BRD7: variants seen among roughly 807,000 people sequenced by gnomAD.
The protein encoded by BRD7 is bromodomain-containing protein 7.
In BRD7, 15 loss-of-function variants were observed where a neutral mutation model predicts 82.1. The observed-to-expected ratio is 0.18, with a 90% CI of 0.12 to 0.28. The LOEUF (loss-of-function observed/expected upper bound fraction) is 0.28. BRD7 is among the 10% of genes least tolerant of loss of function. The pLI is 1.00. For missense variants in BRD7, 638 were observed against 779.9 expected, an observed-to-expected ratio of 0.82 and a Z score of 2.17; for synonymous variants, 232 against 266.9, an observed-to-expected ratio of 0.87 and a Z score of 1.27.
At chr16:50,332,276 T>C (rs1483477652) in intron 8 of BRD7, among the ~76,000 whole-genome samples, 1 of 150,944 alleles carries the variant, frequency 6.6e-6, no homozygotes, top group Non-Finnish European at 1.5e-5. Context: ...AAAGGACTAA[T>C]ACCCAGTATC....
At chr16:50,329,569 G>A (rs2151147119) in intron 8 of BRD7, among the ~76,000 whole-genome samples, 1 of 152,338 alleles carries the variant, frequency 6.6e-6, no homozygotes, top group South Asian at 2.1e-4. Context: ...TCCTCGTTGA[G>A]TGGTATGGCT....
chr16:50,326,866 T>C (rs1447072553), intron 9 of BRD7, among the ~76,000 whole-genome samples: 2 of 152,162 alleles, frequency 1.3e-5, no homozygotes, highest in Non-Finnish European at 2.9e-5. Context: ...CAGGAATGAA[T>C]CCCTGTGATG....
At chr16:50,327,545 G>C (rs1453702438) in intron 9 of BRD7, among the ~76,000 whole-genome samples, 2 of 152,112 alleles carry the variant, frequency 1.3e-5, no homozygotes, top group African/African-American at 2.4e-5. Flanking sequence ...TTCTATTACT[G>C]TTCTCCTCCT....
chr16:50,332,213 G>A (rs557982594), intron 8 of BRD7, among the ~76,000 whole-genome samples: 5 of 152,226 alleles, frequency 3.3e-5, no homozygotes, highest in Admixed American at 2.0e-4. Flanking sequence ...CGCAGAACGG[G>A]AGAAAATATG....
At chr16:50,325,602 A>G (rs2151139436) in intron 11 of BRD7, 146 bp downstream of exon 11, 1 of 619,596 alleles carries the variant, frequency 1.6e-6, no homozygotes, top group Non-Finnish European at 2.7e-6. Flanking sequence ...AATAGTAACT[A>G]TGAATCCATT....
intron 11 of BRD7, among the ~76,000 whole-genome samples, chr16:50,324,282 T>C (rs149271069): frequency 0.01 from 1,594 of 152,224 alleles, 29 homozygotes; most frequent in African/African-American, 0.037. Flanking sequence ...GGCTGATGAC[T>C]GAGCCCTTCC....
At chr16:50,351,035 T>A (rs1390644826) in intron 4 of BRD7, among the ~76,000 whole-genome samples, 1 of 152,080 alleles carries the variant, frequency 6.6e-6, no homozygotes, top group Non-Finnish European at 1.5e-5. Context: ...ATTATGCTAA[T>A]TTTTTTTCCC....
chr16:50,318,209 A>AATT lies in BRD7; in HGVS notation c.*999_*1001dup, dbSNP rs761421608. 3.9e-5 allele frequency: 6 copies of AATT among 152,348 alleles called. No individual in the cohort carries two copies. The highest frequency in any genetic ancestry group is 2.0e-4 in the Admixed American group (3 of 15,304). The allele number at this position is 152,348 out of a possible 1,614,324, so 9.4% of individuals were successfully genotyped here. ...TAAAAGTAGACTCAAACAACTTGAA[A>AATT]ATTTGACTCTTTTAGCATAAGATTT... On this transcript the variant is annotated 3_prime_UTR_variant, in exon 17 of 17. Coordinates refer to ENST00000394688, the MANE Select transcript of BRD7 (RefSeq NM_013263.5).
At chr16:50,349,633 G>A (rs753004383) in intron 5 of BRD7, 29 of 470,594 alleles carry the variant, frequency 6.2e-5, no homozygotes, top group Middle Eastern at 3.2e-4. Context: ...TCTGTATAGC[G>A]GTGTAAGAAT....
chr16:50,319,401 C>T (rs76259746), intron 16 of BRD7, 135 bp from the exon 17 acceptor site: 5 of 694,894 alleles, frequency 7.2e-6, no homozygotes, highest in Non-Finnish European at 1.2e-5. Context: ...CTGAAGACTA[C>T]GCGCATTATC....
intron 6 of BRD7, 111 bp downstream of exon 6, chr16:50,339,865 T>C (rs933932630): frequency 2.0e-6 from 1 of 491,686 alleles, no homozygotes; most frequent in Non-Finnish European, 3.5e-6. Flanking sequence ...TAATATAATA[T>C]AACCTGCTAA....
chr16:50,343,389 G>A (rs143104966), intron 5 of BRD7, among the ~76,000 whole-genome samples: 54 of 152,356 alleles, frequency 3.5e-4, no homozygotes, highest in African/African-American at 1.2e-3. Context: ...CTCCCAGCAT[G>A]AGTGATGCAG....
At chr16:50,335,054 C>G (rs950577152) in intron 6 of BRD7, among the ~76,000 whole-genome samples, 159 bp from the exon 7 acceptor site, 5 of 152,062 alleles carry the variant, frequency 3.3e-5, no homozygotes, top group African/African-American at 4.8e-5. Context: ...ATTTGGAAAC[C>G]ATGATAATGC....
At chr16:50,343,021 TC>T (rs1872361033) in intron 5 of BRD7, among the ~76,000 whole-genome samples, 1 of 152,218 alleles carries the variant, frequency 6.6e-6, no homozygotes, top group South Asian at 2.1e-4. Context: ...TCTATACTCT[TC>T]TTAAAGCTGA....
chr16:50,320,496 A>AGAG (rs2037051393), intron 14 of BRD7, 105 bp from the exon 15 acceptor site: 1 of 1,512,568 alleles, frequency 6.6e-7, no homozygotes, highest in Non-Finnish European at 9.0e-7. Context: ...TCCCTTCAAA[A>AGAG]GAGTAATCCG....
Position 50,326,352 on chromosome 16 carries a change from C to T in BRD7, c.1127G>A (p.Gly376Glu), listed in dbSNP as rs776521847. ...YCPVRLGMTT[G>E]RLQSGVNTLQ... ...AGTATTCACTCCAGACTGAAGTCTT[C>T]CAGTTGTCATTCCCAGTCTCACAGG... The change falls in exon 10 of 17, where the codon GGA (glycine) becomes GAA (glutamate). Residue 376 changes from glycine (G) to glutamate (E), a missense_variant. By Grantham distance (98) the Gly-to-Glu change is moderately conservative. Around this residue, in one of 3 missense-constraint regions of BRD7, gnomAD observed 402 missense variants for 500.8 expected, o/e 0.80. Transcript: ENST00000394688. The T allele has an allele frequency of 6.3e-7, 1 of 1,599,614 alleles. No homozygotes were observed. Among genetic ancestry groups the T allele is most frequent in the Admixed American group, 1.7e-5 (1 of 58,758 alleles).
intron 6 of BRD7, among the ~76,000 whole-genome samples, chr16:50,335,115 C>A (rs1329674221): frequency 3.9e-5 from 6 of 152,186 alleles, no homozygotes; most frequent in Non-Finnish European, 2.9e-5. Context: ...GAAAGCTTTA[C>A]AACTTTATTG....
chr16:50,341,526 C>T (rs1423580210), intron 5 of BRD7, among the ~76,000 whole-genome samples: 1 of 151,034 alleles, frequency 6.6e-6, no homozygotes, highest in Non-Finnish European at 1.5e-5. Flanking sequence ...CCCTGTAGTC[C>T]CAGCTACTTG....
chr16:50,343,327 T>C (rs1329317463), intron 5 of BRD7, among the ~76,000 whole-genome samples: 1 of 152,158 alleles, frequency 6.6e-6, no homozygotes, highest in Non-Finnish European at 1.5e-5. Flanking sequence ...TGTTTGAAAG[T>C]GTGTAGTGAT....
Sources: allele counts gnomAD v4.1 joint callset (sites outside exome capture counted in the v4.1 genomes callset), GRCh38; gene constraint gnomAD v4.1.1; regional missense constraint gnomAD v4.1.1; transcripts MANE v1.5; gene names NCBI Gene and HGNC (gene_info 2026-07-23, HGNC 2026-07-21).